KCNT2: variants seen among roughly 807,000 people sequenced by gnomAD.
KCNT2 encodes potassium channel subfamily T member 2.
KCNT2 carries 67 observed loss-of-function variants against 153.8 expected under a neutral mutation model. The ratio of observed to expected loss-of-function variants is 0.44; its 90% CI spans 0.36 to 0.53. The LOEUF (loss-of-function observed/expected upper bound fraction) is 0.53, where lower values mean the gene tolerates loss of function less well. Ranked by LOEUF, KCNT2 falls within the 20% of genes least tolerant of loss-of-function variation. The pLI is 0.00. For synonymous variants in KCNT2, 500 were observed against 458.8 expected (o/e 1.09, Z -1.15); for missense variants, 975 against 1,354.8 (o/e 0.72, Z 4.40).
intron 14 of KCNT2, among the ~76,000 whole-genome samples, chr1:196,353,072 C>T (rs73065844): frequency 0.11 from 16,202 of 151,910 alleles, 1,237 homozygotes; most frequent in African/African-American, 0.22. Context: ...TTTAAACTAT[C>T]GGTTGTGCTT....
rs141251248 is a variant in KCNT2, at chr1:196,342,177, G to A, written c.1455C>T (p.Ser485=). 98 of 1,611,206 alleles carry A rather than the reference G, an allele frequency of 6.1e-5. No individual in the cohort carries two copies. Among genetic ancestry groups the A allele is most frequent in the Middle Eastern group, 1.6e-4 (1 of 6,078 alleles). The change falls in exon 15 of 28, where the codon TCC becomes TCT. Residue 485 remains serine (S), a synonymous_variant. Coordinates refer to ENST00000294725, the MANE Select transcript of KCNT2 (RefSeq NM_198503.5). ...AAACAATGTGGTAGACTTCATTCCCGGAGCATCTACCGTACATCTTCTGCC... is the reference window on the plus strand; with the variant it reads ...AAACAATGTGGTAGACTTCATTCCCAGAGCATCTACCGTACATCTTCTGCC... The part of the protein sequence containing the change: ...EQWQKMYGRC[S]GNEVYHIVLE...
intron 1 of KCNT2, among the ~76,000 whole-genome samples, chr1:196,540,250 C>CT (rs1656172829): frequency 6.6e-6 from 1 of 152,168 alleles, no homozygotes; most frequent in African/African-American, 2.4e-5. Context: ...AAAATAATCT[C>CT]TTAATACTGA....
chr1:196,444,648 G>A (rs1572476093), intron 8 of KCNT2, among the ~76,000 whole-genome samples: 1 of 151,372 alleles, frequency 6.6e-6, no homozygotes, highest in Non-Finnish European at 1.5e-5. Context: ...GGGCAAATGT[G>A]AATAGATGAG....
intron 18 of KCNT2, among the ~76,000 whole-genome samples, chr1:196,329,496 T>C (rs1214251178): frequency 1.3e-5 from 2 of 152,062 alleles, no homozygotes; most frequent in African/African-American, 4.8e-5. Context: ...TTATTTCCAC[T>C]TTTTTGTCTC....
At chr1:196,293,954 T>A (rs1022983450) in intron 22 of KCNT2, among the ~76,000 whole-genome samples, 15 of 151,314 alleles carry the variant, frequency 9.9e-5, no homozygotes, top group African/African-American at 3.6e-4. Flanking sequence ...AATAATACAT[T>A]TGATAGGGGG....
chr1:196,531,856 G>A (rs542828573), intron 1 of KCNT2, among the ~76,000 whole-genome samples: 5 of 151,948 alleles, frequency 3.3e-5, no homozygotes, highest in Non-Finnish European at 7.4e-5. Flanking sequence ...AAGAACTGAC[G>A]ACTGAAGCAG....
In KCNT2 at chr1:196,467,695, A is replaced by G; in HGVS notation, c.543+8T>C. 6.4e-7 allele frequency: 1 copy of G among 1,550,844 alleles called. No homozygotes were observed. The highest frequency in any genetic ancestry group is 1.1e-5 in the South Asian group (1 of 88,492). Reference sequence around the variant, plus strand: ...ATTTTCATATTTGCACTTTAATTCTATACTTACAATCATATTTTCCAAGGC... The same window carrying G: ...ATTTTCATATTTGCACTTTAATTCTGTACTTACAATCATATTTTCCAAGGC... On this transcript the variant is annotated splice_region_variant and intron_variant, in intron 7 of 27. Coordinates refer to ENST00000294725, the MANE Select transcript of KCNT2 (RefSeq NM_198503.5).
At chr1:196,462,507 A>G (rs1460031484) in intron 8 of KCNT2, among the ~76,000 whole-genome samples, 1 of 151,766 alleles carries the variant, frequency 6.6e-6, no homozygotes, top group Non-Finnish European at 1.5e-5. Context: ...TTTTATTAAA[A>G]GGATACTATG....
At chr1:196,508,189 C>CAAAAAAAAAAAAAAAAAAAAAAAAA (rs10539910) in intron 1 of KCNT2, among the ~76,000 whole-genome samples, 15 of 59,974 alleles carry the variant, frequency 2.5e-4, no homozygotes, top group Admixed American at 4.6e-4. Context: ...CCCTAAGTAG[C>CAAAAAAAAAAAAAAAAAAAAAAAAA]AAAAAAAAAA....
At chr1:196,284,150 G>C (rs1659397927) in intron 23 of KCNT2, among the ~76,000 whole-genome samples, 1 of 143,958 alleles carries the variant, frequency 6.9e-6, no homozygotes, top group Non-Finnish European at 1.5e-5. Flanking sequence ...AGAATTGCAT[G>C]AACCTGGGAG....
At chr1:196,265,000 T>A (rs1396358229) in intron 25 of KCNT2, among the ~76,000 whole-genome samples, 1 of 152,176 alleles carries the variant, frequency 6.6e-6, no homozygotes, top group Non-Finnish European at 1.5e-5. Context: ...GCCCAAGCCA[T>A]TTTTTGACCT....
chr1:196,438,955 A>G (rs186859017), intron 8 of KCNT2, among the ~76,000 whole-genome samples: 16 of 152,028 alleles, frequency 1.1e-4, no homozygotes, highest in Non-Finnish European at 1.5e-4. Context: ...TGGATATTTA[A>G]TTTTAAATGA....
chr1:196,524,117 T>A (rs1033793102), intron 1 of KCNT2, among the ~76,000 whole-genome samples: 3 of 150,910 alleles, frequency 2.0e-5, no homozygotes, highest in Non-Finnish European at 3.0e-5. Flanking sequence ...TATGAAAATG[T>A]TGTAATCCTA....
chr1:196,448,416 C>T (rs1371522946), intron 8 of KCNT2, among the ~76,000 whole-genome samples: 2 of 151,352 alleles, frequency 1.3e-5, no homozygotes, highest in Non-Finnish European at 3.0e-5. Context: ...TAATGAAATT[C>T]CTGACTTCTG....
intron 1 of KCNT2, among the ~76,000 whole-genome samples, chr1:196,581,107 A>T (rs1474764162): frequency 6.6e-6 from 1 of 152,116 alleles, no homozygotes; most frequent in African/African-American, 2.4e-5. Context: ...TAAACATTGA[A>T]ATATTAGTAT....
chr1:196,575,542 G>A (rs962527595), intron 1 of KCNT2, among the ~76,000 whole-genome samples: 11 of 151,568 alleles, frequency 7.3e-5, no homozygotes, highest in African/African-American at 1.2e-4. Context: ...GACATTCATC[G>A]TGCAAACCAA....
chr1:196,591,465 A>T (rs1663357771), intron 1 of KCNT2, among the ~76,000 whole-genome samples: 2 of 152,104 alleles, frequency 1.3e-5, no homozygotes, highest in South Asian at 4.1e-4. Flanking sequence ...CGCACCAAAA[A>T]TACCAAGACT....
chr1:196,461,284 A>G (rs1677129915), intron 8 of KCNT2, among the ~76,000 whole-genome samples: 2 of 151,692 alleles, frequency 1.3e-5, no homozygotes, highest in African/African-American at 2.4e-5. Flanking sequence ...GTTTAACATG[A>G]TCATATTTTT....
At chr1:196,597,116 T>C (rs772742557) in intron 1 of KCNT2, among the ~76,000 whole-genome samples, 37 of 152,182 alleles carry the variant, frequency 2.4e-4, no homozygotes, top group Non-Finnish European at 3.8e-4. Context: ...TAATTCAGGT[T>C]TGTGTTTTGG....
Sources: gnomAD v4.1 joint callset for allele counts (sites outside exome capture counted in the v4.1 genomes callset) on GRCh38, gnomAD v4.1.1 for gene constraint, MANE v1.5 for transcripts, NCBI Gene and HGNC (gene_info 2026-07-23, HGNC 2026-07-21) for gene names.